The following SNX29 variants were observed in gnomAD, a reference collection of about 807,000 sequenced individuals.
SNX29 encodes the protein sorting nexin 29.
In SNX29, 78 loss-of-function variants were observed where a neutral mutation model predicts 102.1. That is an observed-to-expected ratio of 0.76 (90% CI 0.64 to 0.92). The LOEUF is 0.92. Ranked by LOEUF, SNX29 falls within the 40% of genes least tolerant of loss-of-function variation. The pLI is 0.00. For missense variants in SNX29, 1,280 were observed against 1,061.7 expected (o/e 1.21, Z -2.86); for synonymous variants, 580 against 414.5 (o/e 1.40, Z -4.85).
intron 12 of SNX29, among the ~76,000 whole-genome samples, chr16:12,126,988 T>C (rs2054239490): frequency 6.6e-6 from 1 of 152,214 alleles, no homozygotes; most frequent in African/African-American, 2.4e-5. Context: ...CCTTTATTGA[T>C]ATTTAATTCA....
At chr16:11,985,577 G>T (rs1303367983) in intron 1 of SNX29, among the ~76,000 whole-genome samples, 3 of 152,178 alleles carry the variant, frequency 2.0e-5, no homozygotes, top group Non-Finnish European at 2.9e-5. Context: ...CCATGGAGCG[G>T]GCTGGCCATG....
chr16:12,552,254 G>T (rs564030272), intron 20 of SNX29, among the ~76,000 whole-genome samples: 1 of 150,318 alleles, frequency 6.7e-6, no homozygotes. Context: ...TTGCCTCCTA[G>T]GGGCTCGTAA....
intron 20 of SNX29, among the ~76,000 whole-genome samples, chr16:12,558,397 T>A (rs559984937): frequency 6.6e-6 from 1 of 152,208 alleles, no homozygotes; most frequent in Non-Finnish European, 1.5e-5. Flanking sequence ...TAGAGTGATA[T>A]GTTAGCCTTG....
intron 13 of SNX29, among the ~76,000 whole-genome samples, chr16:12,147,674 C>A (rs1161621514): frequency 2.0e-5 from 3 of 152,210 alleles, no homozygotes; most frequent in African/African-American, 7.2e-5. Context: ...AGTTTAACCC[C>A]CTTGACTTTC....
At chr16:12,078,347 G>C (rs1272317547) in intron 10 of SNX29, among the ~76,000 whole-genome samples, 1 of 151,616 alleles carries the variant, frequency 6.6e-6, no homozygotes, top group East Asian at 1.9e-4. Context: ...TGGTGGTGCG[G>C]GCCTGTAATC....
intron 14 of SNX29, among the ~76,000 whole-genome samples, chr16:12,241,591 A>G (rs1249792989): frequency 6.6e-6 from 1 of 151,958 alleles, no homozygotes; most frequent in Non-Finnish European, 1.5e-5. Flanking sequence ...TCTCCTGGGT[A>G]GCGGGGATTA....
intron 1 of SNX29, among the ~76,000 whole-genome samples, chr16:11,993,965 A>G (rs936752961): frequency 6.6e-6 from 1 of 152,204 alleles, no homozygotes; most frequent in Non-Finnish European, 1.5e-5. Context: ...TACTAAAAAT[A>G]CAAAAATTAG....
At chr16:12,544,428 T>A (rs1183051260) in intron 20 of SNX29, among the ~76,000 whole-genome samples, 1 of 152,184 alleles carries the variant, frequency 6.6e-6, no homozygotes, top group South Asian at 2.1e-4. Flanking sequence ...TGGTGGGATT[T>A]GGACGTTTCT....
intron 18 of SNX29, among the ~76,000 whole-genome samples, chr16:12,405,343 G>C (rs1367850174): frequency 6.6e-6 from 1 of 152,146 alleles, no homozygotes; most frequent in Non-Finnish European, 1.5e-5. Flanking sequence ...ATATGCCGTT[G>C]CCTGGGAGAT....
At chr16:12,010,116 A>G (rs1191060843) in intron 3 of SNX29, among the ~76,000 whole-genome samples, 1 of 152,226 alleles carries the variant, frequency 6.6e-6, no homozygotes, top group African/African-American at 2.4e-5. Context: ...TTCACTTCAG[A>G]GGGTTGTTAT....
chr16:12,365,390 T>C (rs533256133), intron 16 of SNX29, among the ~76,000 whole-genome samples: 35 of 150,914 alleles, frequency 2.3e-4, no homozygotes, highest in African/African-American at 8.3e-4. Flanking sequence ...ACATGGTGTT[T>C]ATGTCAGGCT....
chr16:11,997,718 A>G lies in SNX29; in HGVS notation c.8-1579A>G, dbSNP rs13333768. Among the ~76,000 whole-genome samples, 333 of 152,182 alleles carry G rather than the reference A, an allele frequency of 2.2e-3. 1 individual carries two copies. The highest frequency in any genetic ancestry group is 0.012 in the East Asian group (60 of 5,180). On this transcript the variant is annotated intron_variant, in intron 1 of 20. Coordinates refer to ENST00000566228, the MANE Select transcript of SNX29 (RefSeq NM_032167.5). The stretch of plus-strand genomic sequence containing the variant: ...GGTCTCAAACTCCTGATGTCAAGCA[A>G]TCTTCCTGCCTCAGCCTTCCAAAGT...
chr16:12,540,072 T>A (rs1029734516), intron 20 of SNX29, among the ~76,000 whole-genome samples: 6 of 152,232 alleles, frequency 3.9e-5, no homozygotes, highest in Non-Finnish European at 5.9e-5. Context: ...GCTTTTGGTG[T>A]CATGTCTACC....
intron 3 of SNX29, among the ~76,000 whole-genome samples, chr16:12,019,591 T>TATATATAGATAG (rs1555520334): frequency 7.0e-6 from 1 of 142,766 alleles, no homozygotes; most frequent in Non-Finnish European, 1.5e-5. Context: ...AATATATATA[T>TATATATAGATAG]ATAGATAGAT....
chr16:12,191,246 G>T (rs830708), intron 13 of SNX29, among the ~76,000 whole-genome samples: 2 of 151,916 alleles, frequency 1.3e-5, no homozygotes, highest in African/African-American at 4.8e-5. Flanking sequence ...CTTGCTCACC[G>T]CTCACTCACC....
At chr16:12,007,478 CTGAG>C (rs2056494692) in intron 3 of SNX29, among the ~76,000 whole-genome samples, 1 of 152,102 alleles carries the variant, frequency 6.6e-6, no homozygotes, top group Non-Finnish European at 1.5e-5. Flanking sequence ...GCAATGCAGC[CTGAG>C]TGAGAGAGTA....
At chr16:11,982,372 T>G (rs2055437820) in intron 1 of SNX29, among the ~76,000 whole-genome samples, 1 of 152,048 alleles carries the variant, frequency 6.6e-6, no homozygotes, top group African/African-American at 2.4e-5. Flanking sequence ...TACTCAAGTT[T>G]TGTCTTTTGT....
chr16:12,331,336 G>C (rs747369176), intron 15 of SNX29, among the ~76,000 whole-genome samples: 1 of 152,186 alleles, frequency 6.6e-6, no homozygotes, highest in Non-Finnish European at 1.5e-5. Context: ...CTTGGTACCA[G>C]AAAAAGACAC....
chr16:12,212,850 A>G (rs1454638430), intron 14 of SNX29, among the ~76,000 whole-genome samples: 1 of 152,224 alleles, frequency 6.6e-6, no homozygotes, highest in Non-Finnish European at 1.5e-5. Flanking sequence ...GCTGTGGCTC[A>G]TGCCGGTAAT....
Sources: allele counts gnomAD v4.1 joint callset (sites outside exome capture counted in the v4.1 genomes callset), GRCh38; gene constraint gnomAD v4.1.1; transcripts MANE v1.5; gene names NCBI Gene and HGNC (gene_info 2026-07-23, HGNC 2026-07-21).